Variants in LRRC32 observed in about 807,000 individuals in gnomAD.
LRRC32 encodes transforming growth factor beta activator LRRC32.
A neutral mutation model predicts 15.0 loss-of-function variants in LRRC32; 5 were observed. The ratio of observed to expected loss-of-function variants is 0.33; its 90% CI spans 0.17 to 0.70. The LOEUF is 0.70. Among genes scored for constraint, LRRC32 ranks in the 30% least tolerant of loss-of-function variants. The pLI, the probability that LRRC32 is intolerant of heterozygous loss-of-function variation, is 0.66. For synonymous variants in LRRC32, 391 were observed against 403.9 expected (o/e 0.97, Z 0.38); for missense variants, 803 against 854.2 (o/e 0.94, Z 0.75).
At chr11:76,670,025 A>G (rs1317734172) in intron 1 of LRRC32, 1 of 152,320 alleles carries the variant, frequency 6.6e-6, no homozygotes, top group Non-Finnish European at 1.5e-5. Context: ...GTGAATCACT[A>G]AGGGCAAGCC....
At chr11:76,661,637 C>T in intron 2 of LRRC32, 129 bp from the exon 3 acceptor site, 1 of 1,413,628 alleles carries the variant, frequency 7.1e-7, no homozygotes, top group East Asian at 2.5e-5. Flanking sequence ...GAATGCTCAA[C>T]TTTCCCCCAC....
At chr11:76,664,092 C>G (rs550043802) in intron 2 of LRRC32, among the ~76,000 whole-genome samples, 1 of 152,318 alleles carries the variant, frequency 6.6e-6, no homozygotes, top group East Asian at 1.9e-4. Flanking sequence ...CCGCGTGTTA[C>G]CCCCGGGCAA....
Position 76,659,143 on chromosome 11 carries a change from G to A in LRRC32, c.*461C>T, listed in dbSNP as rs1320644. 0.33 allele frequency: 54,697 copies of A among 167,596 alleles called. 9,149 individuals carry two copies. The highest frequency in any genetic ancestry group is 0.35 in the Admixed American group (6,251 of 17,918). 10.4% of individuals were successfully genotyped at this position (167,596 alleles called of 1,614,324 possible). A position where few individuals can be genotyped will look rare whatever the true frequency, so the allele number is the denominator to read the frequency against. On this transcript the variant is annotated 3_prime_UTR_variant, in exon 3 of 3. Transcript: ENST00000260061. ...TGGCACAGCCGGGGCAGGACTCACC[G>A]CACCAAACCAGCGGGGCCTGCCGAG...
At chr11:76,668,169 C>T (rs561209322) in intron 1 of LRRC32, among the ~76,000 whole-genome samples, 3 of 152,258 alleles carry the variant, frequency 2.0e-5, no homozygotes, top group Non-Finnish European at 4.4e-5. Context: ...GGGGTCGTTA[C>T]TGAGAGCAGT....
At position 76,660,864 on chromosome 11, in the gene LRRC32, G is replaced by C. The variant is rs140564620; in HGVS notation, c.729C>G (p.Phe243Leu). ...FQTASQPQAE[F>L]QLTWLDLREN... ...CCCGCAGGTCAAGCCAGGTGAGCTG[G>C]AACTCAGCCTGGGGCTGGGAGGCCG... Residue 243 changes from phenylalanine (F) to leucine (L), a missense_variant, in exon 3 of 3, where the codon TTC becomes TTG. Coordinates refer to ENST00000260061, the MANE Select transcript of LRRC32 (RefSeq NM_001128922.2). The C allele has an allele frequency of 5.3e-5, 85 of 1,614,076 alleles. No homozygotes were observed. Among genetic ancestry groups the C allele is most frequent in the Middle Eastern group, 1.6e-4 (1 of 6,084 alleles).
In LRRC32 at chr11:76,660,978, G is replaced by A. The variant is rs1159937250; in HGVS notation, c.615C>T (p.Ser205=). The A allele has an allele frequency of 6.2e-7, 1 of 1,614,072 alleles. No individual in the cohort carries two copies. Among genetic ancestry groups the A allele is most frequent in the Non-Finnish European group, 8.5e-7 (1 of 1,180,032 alleles). ...GLPRLTHLNL[S]RNSLTCISDF... ...CGGAGATGCAGGTGAGGGAATTCCT[G>A]GAGAGGTTGAGATGGGTCAGGCGGG... Residue 205 remains serine (S), a synonymous_variant, in exon 3 of 3, where the codon TCC becomes TCT. Transcript: ENST00000260061.
Position 76,660,479 on chromosome 11 carries a change from G to A in LRRC32, c.1114C>T (p.His372Tyr). 1 of 1,614,068 alleles carries A rather than the reference G, an allele frequency of 6.2e-7. No homozygotes were observed. Among genetic ancestry groups the A allele is most frequent in the Non-Finnish European group, 8.5e-7 (1 of 1,180,006 alleles). Residue 372 changes from histidine to tyrosine, a missense_variant, in exon 3 of 3, where the codon CAC (histidine) becomes TAC (tyrosine). By Grantham distance (83) the His-to-Tyr change is moderately conservative. Transcript: ENST00000260061. ...AGTTCCAGTGTCTCCAGGGCATTGT[G>A]GCTTAAGTCAAGGAGCATCAGGCAG... ...LPCLMLLDLS[H>Y]NALETLELGA... is the part of the protein sequence containing the mutation.
chr11:76,665,729 A>G, intron 2 of LRRC32, 142 bp downstream of exon 2: 2 of 1,189,572 alleles, frequency 1.7e-6, no homozygotes, highest in South Asian at 2.9e-5. Flanking sequence ...TAAACATTCT[A>G]GTAGGTGCTC....
Position 76,670,429 on chromosome 11 carries a change from A to C in LRRC32, c.-5+185T>G, listed in dbSNP as rs1952693066. On this transcript the variant is annotated intron_variant, in intron 1 of 2. Coordinates refer to ENST00000260061, the MANE Select transcript of LRRC32 (RefSeq NM_001128922.2). The stretch of plus-strand genomic sequence containing the variant: ...TGCGGGAAAGATCCGCCAAGACAGG[A>C]GCGCTGGGGAACTCCCAGGGACCGA... Among the ~76,000 whole-genome samples the C allele has an allele frequency of 3.3e-5, 5 of 152,154 alleles. No individual in the cohort carries two copies. In the South Asian group the frequency reaches 1.0e-3, roughly 31 times the overall value.
intron 2 of LRRC32, among the ~76,000 whole-genome samples, chr11:76,664,244 G>T (rs375406133): frequency 4.6e-5 from 7 of 152,232 alleles, no homozygotes; most frequent in African/African-American, 1.7e-4. Flanking sequence ...TGCTCTAGAA[G>T]CCTGGGGGCC....
At position 76,660,618 on chromosome 11, in the gene LRRC32, A is replaced by G; in HGVS notation, c.975T>C (p.Asn325=). 6.2e-7 allele frequency: 1 copy of G among 1,612,174 alleles called. No homozygotes were observed. Among genetic ancestry groups the G allele is most frequent in the Middle Eastern group, 1.7e-4 (1 of 6,048 alleles). ...AGCTGTCGGGGATGAGCTCAATCTCATTGTAGCTCAAATCCAGATTCAAGA... is the reference window on the plus strand; with the variant it reads ...AGCTGTCGGGGATGAGCTCAATCTCGTTGTAGCTCAAATCCAGATTCAAGA... ...SQLLNLDLSY[N]EIELIPDSFL... The change falls in exon 3 of 3, where the codon AAT becomes AAC. Residue 325 remains asparagine, a synonymous_variant. Transcript: ENST00000260061.
At chr11:76,669,313 C>T (rs10899249) in intron 1 of LRRC32, among the ~76,000 whole-genome samples, 78,338 of 151,056 alleles carry the variant, frequency 0.52, 20,470 homozygotes, top group Admixed American at 0.55. Context: ...GAGTCGGACT[C>T]TCAGGAGTCC....
intron 1 of LRRC32, among the ~76,000 whole-genome samples, chr11:76,668,454 A>G (rs1446884109): frequency 6.6e-6 from 1 of 151,984 alleles, no homozygotes; most frequent in Non-Finnish European, 1.5e-5. Context: ...AATCCAGGCT[A>G]TCCACAGTCT....
At chr11:76,661,621 C>G in intron 2 of LRRC32, 113 bp from the exon 3 acceptor site, 9 of 1,439,274 alleles carry the variant, frequency 6.3e-6, no homozygotes, top group Non-Finnish European at 8.2e-6. Context: ...CTCCCATGGA[C>G]TCCCAGAATG....
At position 76,660,266 on chromosome 11, in the gene LRRC32, T is replaced by C. The variant is rs946392348; in HGVS notation, c.1327A>G (p.Thr443Ala). The change falls in exon 3 of 3, where the codon ACC (threonine) becomes GCC (alanine). Residue 443 changes from threonine to alanine, a missense_variant. By Grantham distance (58) the Thr-to-Ala change is moderately conservative. Transcript: ENST00000260061. ...PSGCVAFSGI[T>A]SLRSLSLVDN... ...ACCAGGCTCAGGCTGCGGAGGGAGGTGATGCCGGAGAAGGCCACACAGCCG... is the reference window on the plus strand; with the variant it reads ...ACCAGGCTCAGGCTGCGGAGGGAGGCGATGCCGGAGAAGGCCACACAGCCG... 2 of 1,574,842 alleles carry C rather than the reference T, an allele frequency of 1.3e-6. No homozygotes were observed. Among genetic ancestry groups the C allele is most frequent in the African/African-American group, 2.7e-5 (2 of 73,344 alleles).
rs753297630 is a variant in LRRC32, at chr11:76,659,888, G to C, written c.1705C>G (p.Gln569Glu). 4 of 1,613,894 alleles carry C rather than the reference G, an allele frequency of 2.5e-6. No homozygotes were observed. The Admixed American group carries it at 6.7e-5, about 27-fold the overall frequency. ...CCGCAGCAGCTGAGTGGATTCCCCT[G>C]CAGGTAGAGGCGCCGGAGGCTGGTC... is the stretch of plus-strand genomic sequence containing the variant. The part of the protein sequence containing the change: ...LETSLRRLYL[Q>E]GNPLSCCGNG... Residue 569 changes from glutamine to glutamate, a missense_variant, in exon 3 of 3, where the codon CAG (glutamine) becomes GAG (glutamate). Gln to Glu is a conservative substitution (Grantham distance 29, BLOSUM62 2). Transcript: ENST00000260061.
chr11:76,659,391 A>G lies in LRRC32; in HGVS notation c.*213T>C, dbSNP rs1490919301. On this transcript the variant is annotated 3_prime_UTR_variant, in exon 3 of 3. Transcript: ENST00000260061. Reference sequence around the variant, plus strand: ...AACATTATTCTCGGCTGTCCCTGAAACCGCCCAACTTCTGGCTTCCACAGC... The same window carrying G: ...AACATTATTCTCGGCTGTCCCTGAAGCCGCCCAACTTCTGGCTTCCACAGC... 1.7e-6 allele frequency: 1 copy of G among 573,292 alleles called. No individual in the cohort carries two copies. Among genetic ancestry groups the G allele is most frequent in the Non-Finnish European group, 3.1e-6 (1 of 323,444 alleles). The allele number at this position is 573,292 out of a possible 1,614,324, so 35.5% of individuals were successfully genotyped here. A position where few individuals can be genotyped will look rare whatever the true frequency, so the allele number is the denominator to read the frequency against.
intron 2 of LRRC32, chr11:76,663,032 C>T (rs1952564341): frequency 6.6e-6 from 1 of 152,322 alleles, no homozygotes; most frequent in African/African-American, 2.4e-5. Flanking sequence ...CCTCCTCCAC[C>T]AGGGAGCCCT....
At chr11:76,664,705 T>G (rs1952595484) in intron 2 of LRRC32, among the ~76,000 whole-genome samples, 1 of 152,206 alleles carries the variant, frequency 6.6e-6, no homozygotes, top group African/African-American at 2.4e-5. Flanking sequence ...TCTTATCTCA[T>G]TTCCCCAGAC....
Sources: allele counts gnomAD v4.1 joint callset (sites outside exome capture counted in the v4.1 genomes callset), GRCh38; gene constraint gnomAD v4.1.1; transcripts MANE v1.5; gene names NCBI Gene and HGNC (gene_info 2026-07-23, HGNC 2026-07-21).